The following UPP2 variants were observed in gnomAD, a reference collection of about 807,000 sequenced individuals.
UPP2 encodes UPase 2.
UPP2 carries 23 observed loss-of-function variants against 26.7 expected under a neutral mutation model. That is an observed-to-expected ratio of 0.86 (90% CI 0.62 to 1.22). The LOEUF is 1.22. Among genes scored for constraint, UPP2 ranks in the 50% most tolerant of loss-of-function variants. The pLI is 0.00. For missense variants in UPP2, 387 were observed against 396.7 expected (o/e 0.98, Z 0.21); for synonymous variants, 127 against 141.3 (o/e 0.90, Z 0.72).
chr2:158,105,732 G>A (rs1178830869), intron 1 of UPP2, among the ~76,000 whole-genome samples: 8 of 152,198 alleles, frequency 5.3e-5, no homozygotes, highest in South Asian at 2.1e-4. Flanking sequence ...TTAGATGACC[G>A]TTACAGTCAG....
rs77863188 is a variant in UPP2, at chr2:158,056,598, G to C, written c.147+40712G>C. Among the ~76,000 whole-genome samples, 728 of 152,264 alleles carry C rather than the reference G, an allele frequency of 4.8e-3. 12 individuals are homozygous for C. The highest frequency in any genetic ancestry group is 0.017 in the African/African-American group (693 of 41,558). ...CCTTCCTTTTCACTTCCTAGCTTCT[G>C]GTGGCTGCTGGCAATCTTTGGTGTC... On this transcript the variant is annotated intron_variant, in intron 3 of 9. Coordinates refer to the UPP2 transcript ENST00000605860.
intron 3 of UPP2, chr2:158,065,527 T>C: frequency 2.2e-6 from 1 of 446,790 alleles, no homozygotes; most frequent in South Asian, 2.0e-5. Flanking sequence ...CTATTGAGTG[T>C]CTTTTAACTA....
intron 6 of UPP2, among the ~76,000 whole-genome samples, chr2:158,129,301 T>C (rs1683760601): frequency 1.3e-5 from 2 of 152,088 alleles, no homozygotes; most frequent in African/African-American, 2.4e-5. Flanking sequence ...ACCTATCCTG[T>C]AGCATCTCTG....
chr2:157,995,531 C>G (rs544086216), intron 2 of UPP2, among the ~76,000 whole-genome samples: 2 of 152,280 alleles, frequency 1.3e-5, no homozygotes, highest in African/African-American at 4.8e-5. Flanking sequence ...CAGCCCTACA[C>G]TGGTGCCTTA....
chr2:158,022,761 G>A (rs1036134612), intron 3 of UPP2, among the ~76,000 whole-genome samples: 10 of 152,152 alleles, frequency 6.6e-5, no homozygotes, highest in African/African-American at 1.7e-4. Flanking sequence ...GGTTCTGTAC[G>A]ATAGTCAGCT....
At chr2:158,029,047 C>A (rs1019028820) in intron 3 of UPP2, among the ~76,000 whole-genome samples, 1 of 152,192 alleles carries the variant, frequency 6.6e-6, no homozygotes, top group African/African-American at 2.4e-5. Context: ...TCTGTTCACT[C>A]GCCCCTCATT....
In UPP2 at chr2:158,121,449, A is replaced by G. The variant is rs1162314808; in HGVS notation, c.495A>G (p.Val165=). Residue 165 remains valine (V), a synonymous_variant, in exon 5 of 7, where the codon GTA becomes GTG. Coordinates refer to ENST00000005756, the MANE Select transcript of UPP2 (RefSeq NM_173355.4). ...CTGTTGTAATAACGGATATAGCTGT[A>G]GACTCCTTCTTTAAGCCCCGGTTTG... The part of the protein sequence containing the change: ...PGTVVITDIA[V]DSFFKPRFEQ... 1 of 1,613,472 alleles carries G rather than the reference A, an allele frequency of 6.2e-7. No homozygotes were observed. The highest frequency in any genetic ancestry group is 8.5e-7 in the Non-Finnish European group (1 of 1,179,430).
chr2:158,034,679 G>T (rs978214883), intron 3 of UPP2, among the ~76,000 whole-genome samples: 8 of 152,180 alleles, frequency 5.3e-5, no homozygotes, highest in African/African-American at 1.7e-4. Context: ...GACTAATTAC[G>T]CATAGTGAAT....
intron 4 of UPP2, among the ~76,000 whole-genome samples, chr2:158,118,318 T>G (rs1683486231): frequency 2.0e-5 from 3 of 152,064 alleles, no homozygotes; most frequent in African/African-American, 7.2e-5. Context: ...TGTCCCAGTT[T>G]TATCAGCTAA....
At chr2:158,006,346 G>A (rs763890185) in intron 2 of UPP2, among the ~76,000 whole-genome samples, 38 of 152,168 alleles carry the variant, frequency 2.5e-4, no homozygotes, top group Admixed American at 1.2e-3. Flanking sequence ...GTGGGCGCCT[G>A]TAGTCCCAGC....
chr2:158,024,446 C>T (rs1683803872), intron 3 of UPP2, among the ~76,000 whole-genome samples: 1 of 152,122 alleles, frequency 6.6e-6, no homozygotes, highest in Non-Finnish European at 1.5e-5. Flanking sequence ...CAGTAGGGCC[C>T]CAACGCCTGG....
intron 3 of UPP2, among the ~76,000 whole-genome samples, chr2:158,081,309 T>G (rs987183779): frequency 2.6e-5 from 4 of 152,200 alleles, no homozygotes; most frequent in African/African-American, 9.7e-5. Flanking sequence ...TTTTTTGTAT[T>G]GCACTATGTT....
chr2:158,110,466 G>A (rs1683295419), intron 2 of UPP2, among the ~76,000 whole-genome samples: 1 of 152,138 alleles, frequency 6.6e-6, no homozygotes, highest in African/African-American at 2.4e-5. Context: ...ATGTACATGT[G>A]TCTTTATAAC....
At chr2:158,033,463 TGAA>T (rs1278688122) in intron 3 of UPP2, among the ~76,000 whole-genome samples, 1 of 152,152 alleles carries the variant, frequency 6.6e-6, no homozygotes, top group Non-Finnish European at 1.5e-5. Flanking sequence ...GAGGGAATGC[TGAA>T]GAATAGCTTC....
In UPP2 at chr2:158,134,786, T is replaced by C. The variant is rs1683896592; in HGVS notation, c.850T>C (p.Cys284Arg). Residue 284 changes from cysteine to arginine, a missense_variant, in exon 7 of 7, where the codon TGT becomes CGT. By Grantham distance (180) the Cys-to-Arg change is radical. Coordinates refer to ENST00000005756, the MANE Select transcript of UPP2 (RefSeq NM_173355.4). ...VCVTLLDRLD[C>R]DQINLPHDVL... ...TGTGACACTTCTCGACAGACTCGAC[T>C]GTGATCAGATCAACTTGCCTCATGA... The C allele has an allele frequency of 1.2e-6, 2 of 1,613,530 alleles. No homozygotes were observed. The highest frequency in any genetic ancestry group is 8.5e-7 in the Non-Finnish European group (1 of 1,179,730).
chr2:158,000,334 T>C lies in UPP2; in HGVS notation c.61+5075T>C, dbSNP rs140857736. Among the ~76,000 whole-genome samples the C allele has an allele frequency of 6.9e-4, 105 of 152,322 alleles. 2 individuals are homozygous for C. The highest frequency in any genetic ancestry group is 3.9e-4 in the East Asian group (2 of 5,182). On this transcript the variant is annotated intron_variant, in intron 2 of 9. Transcript: ENST00000605860. ...GAATCTCTGCAAGGCAGCCTTAATC[T>C]ACTTACAGGGTTTTTTGGAAATATA...
intron 3 of UPP2, among the ~76,000 whole-genome samples, chr2:158,058,419 C>CCTGTGTGTGTGTGTGTGTGTG (rs1682294260): frequency 7.3e-6 from 1 of 136,378 alleles, no homozygotes; most frequent in Non-Finnish European, 1.5e-5. Flanking sequence ...TCCCCCCAAC[C>CCTGTGTGTGTGTGTGTGTGTG]TGTGTGTGTG....
chr2:158,129,010 G>C (rs1683751075), intron 6 of UPP2, among the ~76,000 whole-genome samples: 1 of 152,032 alleles, frequency 6.6e-6, no homozygotes, highest in South Asian at 2.1e-4. Context: ...TTTTTACAAA[G>C]GTGTCTTTTT....
chr2:158,044,216 TGA>T (rs1684119678), intron 3 of UPP2, among the ~76,000 whole-genome samples: 2 of 151,758 alleles, frequency 1.3e-5, no homozygotes, highest in African/African-American at 4.8e-5. Context: ...CTGCAGAAAA[TGA>T]GAGAGCAAGC....
Sources: allele counts gnomAD v4.1 joint callset (sites outside exome capture counted in the v4.1 genomes callset), GRCh38; gene constraint gnomAD v4.1.1; transcripts MANE v1.5; gene names NCBI Gene and HGNC (gene_info 2026-07-23, HGNC 2026-07-21).